RBFOX2: variants seen among roughly 807,000 people sequenced by gnomAD.
RBFOX2 encodes RNA binding fox-1 homolog 2.
Under a neutral mutation model 49.1 loss-of-function variants are expected in RBFOX2, and 10 were observed. That is an observed-to-expected ratio of 0.20 (90% CI 0.13 to 0.35). RBFOX2 has a LOEUF of 0.35. Ranked by LOEUF, RBFOX2 falls within the 10% of genes least tolerant of loss-of-function variation. The pLI, the probability that RBFOX2 is intolerant of heterozygous loss-of-function variation, is 1.00. For synonymous variants in RBFOX2, 183 were observed against 187.4 expected (o/e 0.98, Z 0.19); for missense variants, 323 against 486.9 (o/e 0.66, Z 3.17).
At chr22:35,771,110 A>C (rs1291203069) in intron 4 of RBFOX2, among the ~76,000 whole-genome samples, 1 of 152,188 alleles carries the variant, frequency 6.6e-6, no homozygotes, top group Non-Finnish European at 1.5e-5. Flanking sequence ...AGTTGTCCAC[A>C]TCCTAATCCC....
At chr22:35,997,843 A>T (rs2058253248) in intron 1 of RBFOX2, 2 of 152,206 alleles carry the variant, frequency 1.3e-5, no homozygotes, top group African/African-American at 4.8e-5. Flanking sequence ...GCTACAAAAA[A>T]TAAATAAAAA....
chr22:35,975,890 G>A (rs771763436), intron 1 of RBFOX2, among the ~76,000 whole-genome samples: 1 of 152,112 alleles, frequency 6.6e-6, no homozygotes, highest in Non-Finnish European at 1.5e-5. Flanking sequence ...TAATACTGAG[G>A]AGATACAAGA....
chr22:35,905,858 A>C (rs559827333), intron 1 of RBFOX2, among the ~76,000 whole-genome samples: 20 of 152,298 alleles, frequency 1.3e-4, no homozygotes, highest in African/African-American at 4.8e-4. Context: ...GTCCCGTAAG[A>C]TGATAATGCC....
intron 1 of RBFOX2, among the ~76,000 whole-genome samples, chr22:36,006,167 T>C (rs186544517): frequency 3.5e-4 from 54 of 152,348 alleles, no homozygotes; most frequent in Admixed American, 2.2e-3. Flanking sequence ...AGCACTTAAA[T>C]GTTGATAAAA....
At chr22:35,775,830 A>G (rs1943741644) in intron 4 of RBFOX2, among the ~76,000 whole-genome samples, 1 of 134,024 alleles carries the variant, frequency 7.5e-6, no homozygotes, top group Admixed American at 7.3e-5. Context: ...CAACAGAGCG[A>G]GAATCTGCCT....
chr22:35,949,009 A>C (rs1312108005), intron 1 of RBFOX2, among the ~76,000 whole-genome samples: 2 of 152,100 alleles, frequency 1.3e-5, no homozygotes, highest in Admixed American at 1.3e-4. Context: ...CCAGCATTCT[A>C]CTTTGTCTCC....
chr22:36,026,541 T>TACAG (rs5845246), intron 1 of RBFOX2, among the ~76,000 whole-genome samples: 6,996 of 136,616 alleles, frequency 0.051, 175 homozygotes, highest in Non-Finnish European at 0.055. Flanking sequence ...AATGAATACA[T>TACAG]ACACACACAC....
intron 2 of RBFOX2, among the ~76,000 whole-genome samples, chr22:35,784,063 C>T (rs1315311905): frequency 6.6e-6 from 1 of 152,198 alleles, no homozygotes; most frequent in Non-Finnish European, 1.5e-5. Context: ...GGGACGGGCA[C>T]TGGGAGATCC....
exon 1 of RBFOX2, chr22:35,840,571 C>G: frequency 8.4e-7 from 1 of 1,184,482 alleles, no homozygotes; most frequent in Non-Finnish European, 1.1e-6. Context: ...ACTCCAGAAG[C>G]AGGCCTGCTG....
At chr22:35,767,201 C>T (rs1042227380) in intron 5 of RBFOX2, among the ~76,000 whole-genome samples, 2 of 152,052 alleles carry the variant, frequency 1.3e-5, no homozygotes, top group African/African-American at 4.8e-5. Context: ...CGGCATTACT[C>T]AACAGCATTG....
intron 1 of RBFOX2, among the ~76,000 whole-genome samples, chr22:35,885,636 T>C (rs2046458304): frequency 6.6e-6 from 1 of 151,980 alleles, no homozygotes; most frequent in African/African-American, 2.4e-5. Flanking sequence ...TCAGGAAAAA[T>C]AATTTGACAG....
chr22:35,765,707 T>C (rs9622282), intron 5 of RBFOX2, among the ~76,000 whole-genome samples: 3,039 of 152,216 alleles, frequency 0.02, 111 homozygotes, highest in African/African-American at 0.069. Flanking sequence ...GGTTTCCAAA[T>C]ATCAGTACTC....
At chr22:35,937,182 C>T (rs1223660723) in intron 1 of RBFOX2, among the ~76,000 whole-genome samples, 3 of 152,116 alleles carry the variant, frequency 2.0e-5, no homozygotes, top group Admixed American at 2.0e-4. Flanking sequence ...TCAGAAACTC[C>T]GTGGGGTGGA....
At chr22:35,898,788 T>A (rs1180364650) in intron 1 of RBFOX2, among the ~76,000 whole-genome samples, 1 of 152,156 alleles carries the variant, frequency 6.6e-6, no homozygotes, top group Non-Finnish European at 1.5e-5. Context: ...TGGATCTTCA[T>A]ACTGTAATTT....
At chr22:35,873,819 G>A (rs763384143) in intron 1 of RBFOX2, among the ~76,000 whole-genome samples, 1 of 152,062 alleles carries the variant, frequency 6.6e-6, no homozygotes, top group Non-Finnish European at 1.5e-5. Flanking sequence ...TGGGATTACG[G>A]ACAGGTGTCA....
chr22:35,992,775 C>T (rs1939863155), intron 1 of RBFOX2: 1 of 152,174 alleles, frequency 6.6e-6, no homozygotes, highest in Non-Finnish European at 1.5e-5. Context: ...AACAAAACAG[C>T]TACAAGATGA....
At chr22:35,978,767 T>G (rs1451356242) in intron 1 of RBFOX2, among the ~76,000 whole-genome samples, 1 of 151,922 alleles carries the variant, frequency 6.6e-6, no homozygotes, top group Admixed American at 6.6e-5. Context: ...TTGATAGAAA[T>G]AAACAAATGA....
In RBFOX2 at chr22:36,002,545, T is replaced by C. The variant is rs28603187; in HGVS notation, c.186+25695A>G. On this transcript the variant is annotated intron_variant, in intron 1 of 13. Transcript: ENST00000438146. Reference sequence around the variant, plus strand: ...CAAACGGGGTATATATCTATAAACATTTATGTGCACAGAAGTTCTCCAGAA... The same window carrying C: ...CAAACGGGGTATATATCTATAAACACTTATGTGCACAGAAGTTCTCCAGAA... Among the ~76,000 whole-genome samples, 1,354 of 152,356 alleles carry C rather than the reference T, an allele frequency of 8.9e-3. 16 individuals carry two copies. Among genetic ancestry groups the C allele is most frequent in the African/African-American group, 0.031 (1,303 of 41,596 alleles).
At chr22:35,940,042 A>G (rs1474995035), upstream of RBFOX2, among the ~76,000 whole-genome samples, 1 of 152,222 alleles carries the variant, frequency 6.6e-6, no homozygotes, top group African/African-American at 2.4e-5. Flanking sequence ...GAACAGCGTA[A>G]AAGAAATTTT....
Sources: allele counts gnomAD v4.1 joint callset (sites outside exome capture counted in the v4.1 genomes callset), GRCh38; gene constraint gnomAD v4.1.1; transcripts MANE v1.5; gene names NCBI Gene and HGNC (gene_info 2026-07-23, HGNC 2026-07-21).